CNTN3: variants seen among roughly 807,000 people sequenced by gnomAD.
CNTN3 encodes contactin 3, also known as contactin-3.
CNTN3 carries 60 observed loss-of-function variants against 119.1 expected under a neutral mutation model. That is an observed-to-expected ratio of 0.50 (90% CI 0.41 to 0.62). The LOEUF is 0.62. CNTN3 is among the 20% of genes least tolerant of loss of function. The pLI is 0.00. For missense variants in CNTN3, 1,101 were observed against 1,242.4 expected, an observed-to-expected ratio of 0.89 and a Z score of 1.71; for synonymous variants, 450 against 438.7, an observed-to-expected ratio of 1.03 and a Z score of -0.32.
chr3:74,597,866 T>G (rs943113250), intron 1 of CNTN3, among the ~76,000 whole-genome samples: 1 of 152,054 alleles, frequency 6.6e-6, no homozygotes, highest in Non-Finnish European at 1.5e-5. Context: ...CTGAAAAAAT[T>G]TCTTCAAATT....
intron 4 of CNTN3, among the ~76,000 whole-genome samples, chr3:74,437,261 G>T (rs1051752562): frequency 3.3e-5 from 5 of 152,032 alleles, no homozygotes; most frequent in African/African-American, 1.2e-4. Flanking sequence ...GATTGAGACC[G>T]TCCTGGTTAT....
intron 11 of CNTN3, among the ~76,000 whole-genome samples, chr3:74,338,396 GTATA>G (rs555421111): frequency 4.0e-5 from 6 of 151,670 alleles, no homozygotes; most frequent in African/African-American, 1.2e-4. Flanking sequence ...GTGTATGTGT[GTATA>G]TATATACATA....
chr3:74,409,053 C>T (rs1341768201), intron 5 of CNTN3, among the ~76,000 whole-genome samples: 1 of 152,114 alleles, frequency 6.6e-6, no homozygotes, highest in Non-Finnish European at 1.5e-5. Flanking sequence ...TATATAAGGG[C>T]TATATGTTAT....
At chr3:74,293,092 G>A (rs1652151151) in intron 19 of CNTN3, among the ~76,000 whole-genome samples, 1 of 152,168 alleles carries the variant, frequency 6.6e-6, no homozygotes, top group African/African-American at 2.4e-5. Flanking sequence ...TGTTTATTAT[G>A]TTTAACTGTG....
intron 2 of CNTN3, among the ~76,000 whole-genome samples, chr3:74,513,966 CT>C (rs1009124878): frequency 1.6e-3 from 231 of 141,740 alleles, no homozygotes; most frequent in Middle Eastern, 7.1e-3. Context: ...ATTTTTTTGA[CT>C]TTTTTTTTTT....
intron 4 of CNTN3, among the ~76,000 whole-genome samples, chr3:74,467,008 T>C (rs909342473): frequency 6.6e-6 from 1 of 152,166 alleles, no homozygotes; most frequent in East Asian, 1.9e-4. Context: ...AAAGTGATGA[T>C]ATATTCCATT....
At chr3:74,482,966 T>G (rs138617764) in intron 4 of CNTN3, among the ~76,000 whole-genome samples, 6 of 152,148 alleles carry the variant, frequency 3.9e-5, no homozygotes, top group African/African-American at 1.4e-4. Flanking sequence ...TCTTCTTTGG[T>G]TTTTTATCAG....
At chr3:74,273,135 T>C (rs1701814598) in intron 20 of CNTN3, among the ~76,000 whole-genome samples, 3 of 152,168 alleles carry the variant, frequency 2.0e-5, no homozygotes, top group African/African-American at 7.2e-5. Context: ...AATTAAGTCA[T>C]ATATATAAAA....
chr3:74,384,302 G>C (rs535112956), intron 5 of CNTN3, among the ~76,000 whole-genome samples: 6 of 152,290 alleles, frequency 3.9e-5, no homozygotes, highest in Non-Finnish European at 1.5e-5. Context: ...CTTGTATAAA[G>C]CAATTCTAAT....
chr3:74,553,249 T>C (rs1490984217), intron 1 of CNTN3, among the ~76,000 whole-genome samples: 2 of 152,218 alleles, frequency 1.3e-5, no homozygotes, highest in Non-Finnish European at 2.9e-5. Context: ...TCCAAGTCCC[T>C]GCAAAGGACA....
At chr3:74,477,844 A>G (rs902381279) in intron 4 of CNTN3, among the ~76,000 whole-genome samples, 1 of 152,114 alleles carries the variant, frequency 6.6e-6, no homozygotes, top group South Asian at 2.1e-4. Flanking sequence ...AACAATTAAA[A>G]ATTTAAAAAA....
chr3:74,303,402 A>G (rs1380179232), intron 13 of CNTN3, among the ~76,000 whole-genome samples: 1 of 152,174 alleles, frequency 6.6e-6, no homozygotes, highest in Non-Finnish European at 1.5e-5. Context: ...AACCTTAAAA[A>G]TAACAGCTAG....
chr3:74,290,849 G>A lies in CNTN3; in HGVS notation c.2517+4272C>T, dbSNP rs543763027. Reference sequence around the variant, plus strand: ...TGGGACTACAGGCACCTGCCACTACGCCCGGCTAATTTTTTGTATTTTTAT... The same window carrying A: ...TGGGACTACAGGCACCTGCCACTACACCCGGCTAATTTTTTGTATTTTTAT... On this transcript the variant is annotated intron_variant, in intron 19 of 22. Transcript: ENST00000263665. Among the ~76,000 whole-genome samples the A allele has an allele frequency of 1.6e-4, 24 of 151,986 alleles. No individual in the cohort carries two copies. The South Asian group carries it at 4.2e-3, about 26-fold the overall frequency.
intron 1 of CNTN3, among the ~76,000 whole-genome samples, chr3:74,597,379 C>G (rs1170339292): frequency 3.3e-5 from 5 of 151,862 alleles, no homozygotes; most frequent in Non-Finnish European, 7.4e-5. Context: ...TGTTATCAGG[C>G]AGTTTTTTTA....
At chr3:74,427,343 A>G (rs1412824477) in intron 4 of CNTN3, among the ~76,000 whole-genome samples, 1 of 152,208 alleles carries the variant, frequency 6.6e-6, no homozygotes. Context: ...GACGGACAGT[A>G]GTAGTAGCAG....
At chr3:74,488,854 G>A (rs909238792) in intron 3 of CNTN3, among the ~76,000 whole-genome samples, 7 of 151,994 alleles carry the variant, frequency 4.6e-5, no homozygotes, top group Non-Finnish European at 8.8e-5. Context: ...TTTCATTTAC[G>A]GCAGATTTCT....
At chr3:74,339,914 G>C (rs1193102440) in intron 11 of CNTN3, among the ~76,000 whole-genome samples, 3 of 151,514 alleles carry the variant, frequency 2.0e-5, no homozygotes, top group Non-Finnish European at 4.4e-5. Context: ...TAGATAGATA[G>C]ATAGATAGAT....
At chr3:74,341,948 C>G (rs1234491413) in intron 11 of CNTN3, among the ~76,000 whole-genome samples, 1 of 152,112 alleles carries the variant, frequency 6.6e-6, no homozygotes, top group Non-Finnish European at 1.5e-5. Flanking sequence ...TACATTTTCT[C>G]AGGAAGCATA....
chr3:74,406,363 G>A (rs1250277500), intron 5 of CNTN3, among the ~76,000 whole-genome samples: 1 of 151,792 alleles, frequency 6.6e-6, no homozygotes, highest in East Asian at 1.9e-4. Flanking sequence ...TTCAATTATG[G>A]GGAAAATGTG....
Sources: gnomAD v4.1 joint callset for allele counts (sites outside exome capture counted in the v4.1 genomes callset) on GRCh38, gnomAD v4.1.1 for gene constraint, MANE v1.5 for transcripts, NCBI Gene and HGNC (gene_info 2026-07-23, HGNC 2026-07-21) for gene names.